MARCHF11: variants seen among roughly 807,000 people sequenced by gnomAD.
MARCHF11 encodes E3 ubiquitin-protein ligase MARCHF11.
In MARCHF11, 29 loss-of-function variants were observed where a neutral mutation model predicts 37.3. The ratio of observed to expected loss-of-function variants is 0.78; its 90% CI spans 0.58 to 1.06. The LOEUF (loss-of-function observed/expected upper bound fraction) is 1.06, where lower values mean the gene tolerates loss of function less well. MARCHF11 is among the 50% of genes least tolerant of loss of function. MARCHF11 has a pLI of 0.00. For missense variants in MARCHF11, 482 were observed against 533.4 expected, an observed-to-expected ratio of 0.90 and a Z score of 0.95; for synonymous variants, 233 against 228.0, an observed-to-expected ratio of 1.02 and a Z score of -0.20.
chr5:16,075,840 AG>A (rs1489989074), intron 3 of MARCHF11, among the ~76,000 whole-genome samples: 1 of 152,136 alleles, frequency 6.6e-6, no homozygotes, highest in African/African-American at 2.4e-5. Context: ...AACGGTGGTG[AG>A]GGGAACATAT....
intron 3 of MARCHF11, among the ~76,000 whole-genome samples, chr5:16,081,742 T>C (rs893144509): frequency 2.0e-5 from 3 of 152,236 alleles, no homozygotes; most frequent in African/African-American, 4.8e-5. Flanking sequence ...ATATTTGGTC[T>C]GCTGTTCTGC....
intron 2 of MARCHF11, among the ~76,000 whole-genome samples, chr5:16,138,162 T>C (rs776796575): frequency 2.0e-5 from 3 of 152,156 alleles, no homozygotes; most frequent in Non-Finnish European, 2.9e-5. Flanking sequence ...AAGGTCTCCA[T>C]GGCAGCCCCT....
At chr5:16,161,604 A>C (rs1007456364) in intron 2 of MARCHF11, among the ~76,000 whole-genome samples, 3 of 151,946 alleles carry the variant, frequency 2.0e-5, no homozygotes, top group Non-Finnish European at 4.4e-5. Context: ...ATTCATTGTC[A>C]ATGGCAAAGA....
chr5:16,099,904 C>T (rs560606966), intron 2 of MARCHF11, among the ~76,000 whole-genome samples: 37 of 152,124 alleles, frequency 2.4e-4, no homozygotes, highest in African/African-American at 8.7e-4. Context: ...GGGAAGCTCC[C>T]GATGTGTACT....
At chr5:16,080,526 A>T (rs969647457) in intron 3 of MARCHF11, among the ~76,000 whole-genome samples, 1 of 152,170 alleles carries the variant, frequency 6.6e-6, no homozygotes, top group Non-Finnish European at 1.5e-5. Flanking sequence ...ATTCCCCAGA[A>T]ACTCTGCAAA....
At chr5:16,116,527 T>C (rs923190065) in intron 2 of MARCHF11, among the ~76,000 whole-genome samples, 1 of 152,158 alleles carries the variant, frequency 6.6e-6, no homozygotes, top group African/African-American at 2.4e-5. Flanking sequence ...TCTGCTACTA[T>C]ATGAACTTCT....
intron 2 of MARCHF11, among the ~76,000 whole-genome samples, chr5:16,146,143 C>G (rs567035802): frequency 1.3e-5 from 2 of 152,280 alleles, no homozygotes; most frequent in African/African-American, 2.4e-5. Flanking sequence ...ATGTCAACCT[C>G]TTCAGTCACG....
At chr5:16,178,989 G>A in intron 1 of MARCHF11, 50 bp downstream of exon 1, 1 of 1,368,546 alleles carries the variant, frequency 7.3e-7, no homozygotes, top group Non-Finnish European at 9.4e-7. Context: ...AGCTTGACCG[G>A]CGCGAGCTGG....
chr5:16,139,874 G>A (rs1302212107), intron 2 of MARCHF11, among the ~76,000 whole-genome samples: 2 of 152,102 alleles, frequency 1.3e-5, no homozygotes, highest in African/African-American at 4.8e-5. Context: ...TTAAAATAGA[G>A]AATGCAACTT....
At position 16,081,039 on chromosome 5, in the gene MARCHF11, C is replaced by T. The variant is rs115380025; in HGVS notation, c.886+9850G>A. ...TCTTTAAAAATGACAGGACTTCATA[C>T]GTTACTAGGTCTAGGCTTTTGCCTC... On this transcript the variant is annotated intron_variant, in intron 3 of 3. Transcript: ENST00000332432. 5.9e-3 allele frequency among the ~76,000 whole-genome samples: 892 copies of T among 152,242 alleles called. 7 individuals are homozygous for T. Among genetic ancestry groups the T allele is most frequent in the African/African-American group, 0.02 (833 of 41,538 alleles).
chr5:16,158,257 C>A (rs893201183), intron 2 of MARCHF11, among the ~76,000 whole-genome samples: 4 of 151,824 alleles, frequency 2.6e-5, no homozygotes, highest in Non-Finnish European at 4.4e-5. Flanking sequence ...TTATGGAAAG[C>A]AGTATGATGG....
At chr5:16,164,463 G>A (rs1738137784) in intron 2 of MARCHF11, among the ~76,000 whole-genome samples, 1 of 152,014 alleles carries the variant, frequency 6.6e-6, no homozygotes, top group South Asian at 2.1e-4. Context: ...AGGACAGGCT[G>A]TGTGTTAGGC....
chr5:16,108,654 A>G (rs1377272005), intron 2 of MARCHF11, among the ~76,000 whole-genome samples: 1 of 152,080 alleles, frequency 6.6e-6, no homozygotes, highest in Non-Finnish European at 1.5e-5. Flanking sequence ...GGGGAGAGAG[A>G]GAGTAAACAG....
At chr5:16,134,998 TCACACA>T (rs1553996992) in intron 2 of MARCHF11, among the ~76,000 whole-genome samples, 1 of 143,704 alleles carries the variant, frequency 7.0e-6, no homozygotes, top group East Asian at 2.1e-4. Flanking sequence ...TCTCTCTCTC[TCACACA>T]CACACACACA....
chr5:16,149,405 G>A (rs1052017915), intron 2 of MARCHF11, among the ~76,000 whole-genome samples: 5 of 152,114 alleles, frequency 3.3e-5, no homozygotes, highest in African/African-American at 4.8e-5. Flanking sequence ...GTGTTGGCGC[G>A]AATGCAGAGC....
chr5:16,127,300 G>A (rs1374013273), intron 2 of MARCHF11, among the ~76,000 whole-genome samples: 1 of 152,182 alleles, frequency 6.6e-6, no homozygotes, highest in African/African-American at 2.4e-5. Flanking sequence ...TCAGTCAGAT[G>A]TAAGTGACCA....
intron 3 of MARCHF11, among the ~76,000 whole-genome samples, chr5:16,068,878 T>A (rs931508401): frequency 6.6e-6 from 1 of 152,334 alleles, no homozygotes; most frequent in East Asian, 1.9e-4. Context: ...CTTTGGTAGA[T>A]GAAGTACGGC....
chr5:16,091,401 C>T (rs1736789432), intron 2 of MARCHF11, among the ~76,000 whole-genome samples: 1 of 152,112 alleles, frequency 6.6e-6, no homozygotes, highest in Non-Finnish European at 1.5e-5. Context: ...TTCATGCATG[C>T]ACGAAATTAA....
At chr5:16,177,957 C>G in intron 1 of MARCHF11, 76 bp from the exon 2 acceptor site, 1 of 1,412,360 alleles carries the variant, frequency 7.1e-7, no homozygotes, top group Non-Finnish European at 9.5e-7. Flanking sequence ...CCTTTCTTTT[C>G]TTTCAAAGCC....
Sources: allele counts gnomAD v4.1 joint callset (sites outside exome capture counted in the v4.1 genomes callset), GRCh38; gene constraint gnomAD v4.1.1; transcripts MANE v1.5; gene names NCBI Gene and HGNC (gene_info 2026-07-23, HGNC 2026-07-21).